The following ADGRE3 variants were observed in gnomAD, a reference collection of about 807,000 sequenced individuals.
ADGRE3 encodes EGF-like module receptor 3.
Under a neutral mutation model 80.1 loss-of-function variants are expected in ADGRE3, and 88 were observed. That is an observed-to-expected ratio of 1.10 (90% CI 0.93 to 1.31). The LOEUF (loss-of-function observed/expected upper bound fraction) is 1.31. Among genes scored for constraint, ADGRE3 ranks in the 40% most tolerant of loss-of-function variants. The pLI, the probability that ADGRE3 is intolerant of heterozygous loss-of-function variation, is 0.00. For missense variants in ADGRE3, 715 were observed against 776.5 expected (o/e 0.92, Z 0.94); for synonymous variants, 281 against 294.8 (o/e 0.95, Z 0.48).
chr19:14,646,339 C>T (rs559176586), intron 8 of ADGRE3, among the ~76,000 whole-genome samples: 4 of 152,282 alleles, frequency 2.6e-5, no homozygotes, highest in Middle Eastern at 3.4e-3. Flanking sequence ...GCCACTTGAT[C>T]ACTTGACCTC....
At chr19:14,643,532 C>T (rs1971311346) in intron 9 of ADGRE3, among the ~76,000 whole-genome samples, 1 of 152,050 alleles carries the variant, frequency 6.6e-6, no homozygotes, top group Non-Finnish European at 1.5e-5. Flanking sequence ...AATGATCCCC[C>T]AATACACACC....
At position 14,636,046 on chromosome 19, in the gene ADGRE3, TTCC is replaced by T. The variant is rs1456602322; in HGVS notation, c.1484+2056_1484+2058del. ...CTTCCTTCCTTCCTTCCTTCCTTCC[TTCC>T]TTCCTTCCTTCCTTTCCTTTCCTTT... On this transcript the variant is annotated intron_variant, in intron 11 of 15. Coordinates refer to ENST00000253673, the MANE Select transcript of ADGRE3 (RefSeq NM_032571.5). Among the ~76,000 whole-genome samples, 15 of 64,344 alleles carry T rather than the reference TTCC, an allele frequency of 2.3e-4. 2 individuals carry two copies. Among genetic ancestry groups the T allele is most frequent in the African/African-American group, 5.2e-4 (11 of 21,346 alleles). 42.2% of individuals were successfully genotyped at this position (64,344 alleles called of 152,430 possible). A position where few individuals can be genotyped will look rare whatever the true frequency, so the allele number is the denominator to read the frequency against.
chr19:14,650,635 C>CTT (rs1375616103), intron 7 of ADGRE3, among the ~76,000 whole-genome samples: 8 of 10,240 alleles, frequency 7.8e-4, no homozygotes, highest in African/African-American at 2.7e-3. Flanking sequence ...CTCCATCTCT[C>CTT]TCTCTCTCTC....
intron 4 of ADGRE3, among the ~76,000 whole-genome samples, chr19:14,660,937 C>CTTTTT (rs35730102): frequency 8.4e-5 from 7 of 83,508 alleles, no homozygotes; most frequent in East Asian, 3.9e-4. Context: ...GTCATATTTC[C>CTTTTT]TTTTTTTTTT....
At chr19:14,633,064 G>T in intron 12 of ADGRE3, 52 bp from the exon 13 acceptor site, 2 of 1,453,064 alleles carry the variant, frequency 1.4e-6, no homozygotes, top group Non-Finnish European at 1.9e-6. Flanking sequence ...AATGTATGGT[G>T]TCCACTTTAA....
Position 14,650,642 on chromosome 19 carries a change from TCTCTCTCTCTCTCTCTCTC to T in ADGRE3, c.697+424_697+442del, listed in dbSNP as rs1568490889. Among the ~76,000 whole-genome samples the T allele has an allele frequency of 1.1e-3, 95 of 87,374 alleles. 2 individuals carry two copies. In the South Asian group the frequency reaches 0.012, roughly 11 times the overall value. The allele number at this position is 87,374 out of a possible 152,430, so 57.3% of individuals were successfully genotyped here. On this transcript the variant is annotated intron_variant, in intron 7 of 15. Coordinates refer to ENST00000253673, the MANE Select transcript of ADGRE3 (RefSeq NM_032571.5). ...CTCTCTGTCTCCATCTCTCTCTCTC[TCTCTCTCTCTCTCTCTCTC>T]TCTCTCTCTCTCTCTCTCTCTCCCC...
chr19:14,630,332 A>G, intron 13 of ADGRE3, 125 bp from the exon 14 acceptor site: 8 of 627,762 alleles, frequency 1.3e-5, no homozygotes, highest in Non-Finnish European at 1.9e-5. Flanking sequence ...GGAAGCCAGC[A>G]CTGGCTACCT....
chr19:14,625,639 C>A lies in ADGRE3; in HGVS notation c.1813-40G>T, dbSNP rs761171373. The A allele has an allele frequency of 4.0e-6, 5 of 1,255,494 alleles. No individual in the cohort carries two copies. The African/African-American group carries it at 7.4e-5, about 19-fold the overall frequency. The allele number at this position is 1,255,494 out of a possible 1,614,324, so 77.8% of individuals were successfully genotyped here. On this transcript the variant is annotated intron_variant, in intron 14 of 15. Coordinates refer to ENST00000253673, the MANE Select transcript of ADGRE3 (RefSeq NM_032571.5). Reference sequence around the variant, plus strand: ...GAAATACCTGGATGGGTTTTGCTAACATTGGTGAACAGCAGAAAGGTCGGT... The same window carrying A: ...GAAATACCTGGATGGGTTTTGCTAAAATTGGTGAACAGCAGAAAGGTCGGT...
At chr19:14,605,756 C>T in the ADGRE3 span, among the ~76,000 whole-genome samples, 9 of 151,866 alleles carry the variant, frequency 5.9e-5, no homozygotes, top group East Asian at 1.9e-4. Context: ...GACTTTTTTC[C>T]GGGACAGAGG....
At position 14,638,411 on chromosome 19, in the gene ADGRE3, A is replaced by G. The variant is rs1344100864; in HGVS notation, c.1249-71T>C. ...TATGGCCCTAGGACCTCTCCTTGAC[A>G]TTGGCTTTGGGTTCAGAGCACCTGA... On this transcript the variant is annotated intron_variant, in intron 10 of 15. Transcript: ENST00000253673. The G allele has an allele frequency of 3.3e-6, 4 of 1,195,140 alleles. No individual in the cohort carries two copies. The African/African-American group carries it at 4.5e-5, about 14-fold the overall frequency. The allele number at this position is 1,195,140 out of a possible 1,614,324, so 74.0% of individuals were successfully genotyped here. A position where few individuals can be genotyped will look rare whatever the true frequency, so the allele number is the denominator to read the frequency against.
intron 11 of ADGRE3, among the ~76,000 whole-genome samples, chr19:14,636,012 T>TCTTTCTTC (rs1971034061): frequency 1.0e-5 from 1 of 99,328 alleles, no homozygotes; most frequent in Admixed American, 1.0e-4. Context: ...TCTCTTTCTT[T>TCTTTCTTC]CTTCCTTCCT....
At chr19:14,642,586 C>T (rs1971283622) in intron 9 of ADGRE3, among the ~76,000 whole-genome samples, 1 of 152,152 alleles carries the variant, frequency 6.6e-6, no homozygotes, top group South Asian at 2.1e-4. Context: ...TCCTCCCACT[C>T]TCCACCCTCT....
intron 15 of ADGRE3, among the ~76,000 whole-genome samples, chr19:14,619,914 T>A (rs1970489467): frequency 6.6e-6 from 1 of 152,156 alleles, no homozygotes; most frequent in South Asian, 2.1e-4. Context: ...AACCAACATC[T>A]CCTGAAGAAG....
At chr19:14,604,279 G>A in the ADGRE3 span, among the ~76,000 whole-genome samples, 2 of 152,108 alleles carry the variant, frequency 1.3e-5, no homozygotes, top group Middle Eastern at 6.8e-3. Context: ...AAAGCTCACC[G>A]GAAATGAGAT....
chr19:14,608,628 AT>A, the ADGRE3 span, among the ~76,000 whole-genome samples: 1,599 of 119,698 alleles, frequency 0.013, 5 homozygotes, highest in African/African-American at 0.031. Flanking sequence ...ATGAGGAAGA[AT>A]TTTTTTTTTT....
At chr19:14,620,578 T>A (rs1273701332) in intron 15 of ADGRE3, among the ~76,000 whole-genome samples, 660 of 19,042 alleles carry the variant, frequency 0.035, 91 homozygotes, top group Non-Finnish European at 0.051. Flanking sequence ...ATTTTTTTTT[T>A]TTTTTTTTTT....
downstream of ADGRE3, among the ~76,000 whole-genome samples, chr19:14,616,360 T>C (rs927087911): frequency 6.6e-6 from 1 of 152,064 alleles, no homozygotes; most frequent in African/African-American, 2.4e-5. Context: ...TCTCAGAGTT[T>C]GCTTTTGGGA....
chr19:14,617,341 C>CTTT (rs1599593839), downstream of ADGRE3, among the ~76,000 whole-genome samples: 101 of 57,252 alleles, frequency 1.8e-3, no homozygotes, highest in East Asian at 0.023. Flanking sequence ...TCCCTCCCTC[C>CTTT]CTTTCTTTCT....
intron 4 of ADGRE3, among the ~76,000 whole-genome samples, chr19:14,659,511 C>T (rs1450846527): frequency 6.6e-6 from 1 of 152,066 alleles, no homozygotes; most frequent in Non-Finnish European, 1.5e-5. Flanking sequence ...GTGTTGGTTT[C>T]TGTGCTTAGT....
Sources: allele counts gnomAD v4.1 joint callset (sites outside exome capture counted in the v4.1 genomes callset), GRCh38; gene constraint gnomAD v4.1.1; transcripts MANE v1.5; gene names NCBI Gene and HGNC (gene_info 2026-07-23, HGNC 2026-07-21).